The following SEC24A variants were observed in gnomAD, a reference collection of about 807,000 sequenced individuals.
SEC24A encodes the protein SEC24 homolog A, COPII component.
In SEC24A, 93 loss-of-function variants were observed where a neutral mutation model predicts 129.4. That is an observed-to-expected ratio of 0.72 (90% CI 0.61 to 0.85). SEC24A has a LOEUF of 0.85. Among genes scored for constraint, SEC24A ranks in the 40% least tolerant of loss-of-function variants. SEC24A has a pLI of 0.00. For synonymous variants in SEC24A, 460 were observed against 467.3 expected (o/e 0.98, Z 0.20); for missense variants, 1,264 against 1,307.4 (o/e 0.97, Z 0.51).
intron 9 of SEC24A, 78 bp downstream of exon 9, chr5:134,682,560 C>A: frequency 1.4e-6 from 1 of 698,128 alleles, no homozygotes; most frequent in Non-Finnish European, 2.5e-6. Flanking sequence ...CATCCTGTAA[C>A]AAAATTTTAT....
chr5:134,690,755 T>C (rs1751617822), intron 11 of SEC24A, among the ~76,000 whole-genome samples: 1 of 152,250 alleles, frequency 6.6e-6, no homozygotes, highest in Non-Finnish European at 1.5e-5. Flanking sequence ...ATGTGAATCC[T>C]GAGAGGCTCA....
chr5:134,716,295 TAATA>T (rs1369740864), intron 19 of SEC24A, among the ~76,000 whole-genome samples: 3 of 151,592 alleles, frequency 2.0e-5, no homozygotes, highest in African/African-American at 4.8e-5. Context: ...ACCCTGCCTC[TAATA>T]AAAATACGAA....
At position 134,649,101 on chromosome 5, in the gene SEC24A, T is replaced by C; in HGVS notation, c.25T>C (p.Ser9Pro). The C allele has an allele frequency of 1.9e-6, 3 of 1,609,150 alleles. No individual in the cohort carries two copies. Among genetic ancestry groups the C allele is most frequent in the Non-Finnish European group, 2.5e-6 (3 of 1,177,828 alleles). MSQPGIPASGGAPASLQAQ... is the reference protein window; with the variant it reads MSQPGIPAPGGAPASLQAQ... ...CATGTCCCAGCCGGGAATACCGGCC[T>C]CCGGCGGCGCCCCAGCCAGCCTCCA... The change falls in exon 1 of 23, where the codon TCC becomes CCC. Residue 9 changes from serine (S) to proline (P), a missense_variant. By Grantham distance (74) the Ser-to-Pro change is moderately conservative. Transcript: ENST00000398844.
In SEC24A at chr5:134,686,822, T is replaced by G. The variant is rs923139285; in HGVS notation, c.1524T>G (p.Phe508Leu). The G allele has an allele frequency of 1.9e-6, 3 of 1,608,942 alleles. No homozygotes were observed. The highest frequency in any genetic ancestry group is 2.7e-5 in the African/African-American group (2 of 74,748). The change falls in exon 10 of 23, where the codon TTT becomes TTG. Residue 508 changes from phenylalanine to leucine, a missense_variant. Physicochemically the swap from Phe to Leu is conservative, Grantham distance 22. Coordinates refer to ENST00000398844, the MANE Select transcript of SEC24A (RefSeq NM_021982.3). Reference protein sequence around the residue: ...LRPPQPPVYLFVFDVSHNAVE... With the variant: ...LRPPQPPVYLLVFDVSHNAVE... Reference sequence around the variant, plus strand: ...CACCTCAGCCTCCAGTGTATCTCTTTGTATTTGATGTGTCTCACAATGCAG... The same window carrying G: ...CACCTCAGCCTCCAGTGTATCTCTTGGTATTTGATGTGTCTCACAATGCAG...
intron 2 of SEC24A, among the ~76,000 whole-genome samples, chr5:134,666,542 A>G (rs1189889075): frequency 2.0e-5 from 3 of 152,008 alleles, no homozygotes; most frequent in Non-Finnish European, 4.4e-5. Flanking sequence ...GGGCGACAAG[A>G]AAGAAAACAG....
At chr5:134,697,778 CCTTT>C (rs1561823511) in intron 14 of SEC24A, 117 bp from the exon 15 acceptor site, 1 of 1,050,756 alleles carries the variant, frequency 9.5e-7, no homozygotes, top group Non-Finnish European at 1.4e-6. Flanking sequence ...AATAAAATCT[CCTTT>C]CTGACAGTAG....
chr5:134,694,347 G>A lies in SEC24A; in HGVS notation c.1986+414G>A, dbSNP rs181407246. Among the ~76,000 whole-genome samples, 742 of 152,220 alleles carry A rather than the reference G, an allele frequency of 4.9e-3. 5 individuals are homozygous for A. The highest frequency in any genetic ancestry group is 7.9e-3 in the Admixed American group (121 of 15,276). The stretch of plus-strand genomic sequence containing the variant: ...TTGAGACCAGCCTGACCAACATGGA[G>A]AAACCCCATCTCTACTAAAAATACA... On this transcript the variant is annotated intron_variant, in intron 13 of 22. Coordinates refer to ENST00000398844, the MANE Select transcript of SEC24A (RefSeq NM_021982.3).
Position 134,726,062 on chromosome 5 carries a change from G to T in SEC24A, c.*968G>T, listed in dbSNP as rs1281431159. ...TTGTTAAATTGGAAGTCATTCATAA[G>T]AAATATTTATGCTTGAATATGAAAA... On this transcript the variant is annotated 3_prime_UTR_variant, in exon 23 of 23. Transcript: ENST00000398844. The T allele has an allele frequency of 1.3e-5, 2 of 152,482 alleles. No individual in the cohort carries two copies. The highest frequency in any genetic ancestry group is 3.8e-4 in the East Asian group (2 of 5,204). 9.4% of individuals were successfully genotyped at this position (152,482 alleles called of 1,614,324 possible). A position where few individuals can be genotyped will look rare whatever the true frequency, so the allele number is the denominator to read the frequency against.
At chr5:134,716,732 A>G (rs1221150541) in intron 19 of SEC24A, among the ~76,000 whole-genome samples, 2 of 149,540 alleles carry the variant, frequency 1.3e-5, no homozygotes, top group Non-Finnish European at 3.0e-5. Context: ...CAGGAGGCAA[A>G]GGTCGCAGTG....
chr5:134,700,352 T>G, intron 15 of SEC24A, among the ~76,000 whole-genome samples: 1 of 152,044 alleles, frequency 6.6e-6, no homozygotes, highest in East Asian at 1.9e-4. Context: ...CCCGAATAAC[T>G]GGGACCACAG....
chr5:134,683,437 T>G (rs548753301), intron 9 of SEC24A, among the ~76,000 whole-genome samples: 4 of 152,332 alleles, frequency 2.6e-5, no homozygotes, highest in African/African-American at 9.6e-5. Context: ...CTTGCAAATA[T>G]TGTTCTTTTC....
chr5:134,669,171 A>AT (rs921367317), intron 3 of SEC24A, among the ~76,000 whole-genome samples: 67 of 147,552 alleles, frequency 4.5e-4, no homozygotes, highest in African/African-American at 7.2e-4. Flanking sequence ...AGAAAAAAAA[A>AT]TTTTTTTTTT....
chr5:134,718,056 C>T lies in SEC24A; in HGVS notation c.2866-13C>T. On this transcript the variant is annotated splice_polypyrimidine_tract_variant and intron_variant, in intron 19 of 22. Transcript: ENST00000398844. ...TATATTTAAAACCTTTACTCTTTTA[C>T]TTAATTCCTCAGGGAGCACTCAACA... 6.2e-7 allele frequency: 1 copy of T among 1,600,912 alleles called. No individual in the cohort carries two copies. The highest frequency in any genetic ancestry group is 8.6e-7 in the Non-Finnish European group (1 of 1,168,130).
chr5:134,676,144 CTTTTT>C lies in SEC24A; in HGVS notation c.1254+28_1254+32del. On this transcript the variant is annotated intron_variant, in intron 7 of 22. Transcript: ENST00000398844. Reference sequence around the variant, plus strand: ...CTTAGTGGTATGTTTCTTTTCTTTTCTTTTTTTTTTTTTGAGACGGAGTCTCCCTC... The same window carrying C: ...CTTAGTGGTATGTTTCTTTTCTTTTCTTTTTTTTGAGACGGAGTCTCCCTC... 7.8e-7 allele frequency: 1 copy of C among 1,275,846 alleles called. No homozygotes were observed. Among genetic ancestry groups the C allele is most frequent in the Non-Finnish European group, 1.1e-6 (1 of 929,788 alleles). 79.0% of individuals were successfully genotyped at this position (1,275,846 alleles called of 1,614,324 possible).
At chr5:134,692,965 C>G in intron 12 of SEC24A, 1 of 1,316,116 alleles carries the variant, frequency 7.6e-7, no homozygotes, top group Non-Finnish European at 1.1e-6. Context: ...GATAAAGCTT[C>G]TGGTCACTAC....
chr5:134,684,448 C>G lies in SEC24A; in HGVS notation c.1491+1966C>G, dbSNP rs1235079204. Among the ~76,000 whole-genome samples the G allele has an allele frequency of 7.9e-5, 12 of 152,146 alleles. 2 individuals are homozygous for G. In the South Asian group the frequency reaches 2.5e-3, roughly 32 times the overall value. On this transcript the variant is annotated intron_variant, in intron 9 of 22. Coordinates refer to ENST00000398844, the MANE Select transcript of SEC24A (RefSeq NM_021982.3). ...ATTTTGTTGGCCAGGTGCAGTGGCT[C>G]ACACCCGTAATCCCAGCAATTTGGG...
intron 9 of SEC24A, among the ~76,000 whole-genome samples, chr5:134,685,617 A>C (rs1751426157): frequency 2.0e-5 from 3 of 152,302 alleles, no homozygotes; most frequent in Admixed American, 2.0e-4. Flanking sequence ...TGTATACTAC[A>C]TACCCAGTTC....
chr5:134,671,132 CCT>C, intron 3 of SEC24A, among the ~76,000 whole-genome samples: 1 of 152,208 alleles, frequency 6.6e-6, no homozygotes, highest in Non-Finnish European at 1.5e-5. Context: ...GCAACCTCTG[CCT>C]CTCAGGTTCA....
rs1369553581 is a variant in SEC24A, at chr5:134,727,293, T to A, written c.*2199T>A. 1 of 152,620 alleles carries A rather than the reference T, an allele frequency of 6.6e-6. No individual in the cohort carries two copies. Among genetic ancestry groups the A allele is most frequent in the Non-Finnish European group, 1.5e-5 (1 of 68,020 alleles). The allele number at this position is 152,620 out of a possible 1,614,324, so 9.5% of individuals were successfully genotyped here. On this transcript the variant is annotated 3_prime_UTR_variant, in exon 23 of 23. Transcript: ENST00000398844. ...GAAAGATCCTTGAATTTTCTACAGA[T>A]CTACAACTACTAATGTAACAGACAA...
Sources: gnomAD v4.1 joint callset for allele counts (sites outside exome capture counted in the v4.1 genomes callset) on GRCh38, gnomAD v4.1.1 for gene constraint, MANE v1.5 for transcripts, NCBI Gene and HGNC (gene_info 2026-07-23, HGNC 2026-07-21) for gene names.